Variants in PAPPA observed in about 807,000 individuals in gnomAD.
The protein encoded by PAPPA is pappalysin-1.
In PAPPA, 60 loss-of-function variants were observed where a neutral mutation model predicts 164.0. The ratio of observed to expected loss-of-function variants is 0.37; its 90% CI spans 0.30 to 0.45. The LOEUF is 0.45. PAPPA is among the 20% of genes least tolerant of loss of function. The probability of loss-of-function intolerance (pLI) is 1.00; values close to 1 mark genes in which losing one functional copy is unlikely to be tolerated. For synonymous variants in PAPPA, 875 were observed against 814.1 expected, an observed-to-expected ratio of 1.07 and a Z score of -1.27; for missense variants, 1,782 against 2,087.3, an observed-to-expected ratio of 0.85 and a Z score of 2.85.
chr9:116,394,927 A>G (rs1356980945), intron 21 of PAPPA, among the ~76,000 whole-genome samples: 1 of 152,222 alleles, frequency 6.6e-6, no homozygotes, highest in Non-Finnish European at 1.5e-5. Context: ...ACAGGAATAA[A>G]CAAGATTGAC....
intron 8 of PAPPA, among the ~76,000 whole-genome samples, chr9:116,268,127 A>T (rs1372380667): frequency 6.6e-6 from 1 of 152,200 alleles, no homozygotes; most frequent in African/African-American, 2.4e-5. Context: ...AGGGTTTATA[A>T]CTGTTGCATT....
At chr9:116,260,263 ATT>A (rs1474595021) in intron 7 of PAPPA, among the ~76,000 whole-genome samples, 1 of 152,196 alleles carries the variant, frequency 6.6e-6, no homozygotes, top group Non-Finnish European at 1.5e-5. Context: ...CAATGTTATA[ATT>A]TGACAAAGCT....
At chr9:116,199,856 G>GCAGAAATCACA (rs2118658048) in intron 2 of PAPPA, among the ~76,000 whole-genome samples, 1 of 152,210 alleles carries the variant, frequency 6.6e-6, no homozygotes, top group Non-Finnish European at 1.5e-5. Context: ...GCCAGCATAT[G>GCAGAAATCACA]CAGAAATCAC....
Position 116,154,451 on chromosome 9 carries a change from G to T in PAPPA, c.279G>T (p.Pro93=). 7.8e-7 allele frequency: 1 copy of T among 1,282,612 alleles called. No individual in the cohort carries two copies. The allele number at this position is 1,282,612 out of a possible 1,614,324, so 79.5% of individuals were successfully genotyped here. Residue 93 remains proline, a synonymous_variant, in exon 1 of 22, where the codon CCG becomes CCT. Transcript: ENST00000328252. The surrounding 1 kb of genome is among the most constrained non-coding windows in gnomAD (Gnocchi z 5.2). ...ARGATEEPSP[P]SRALYFSGRG... ...GCGCCACCGAGGAGCCGAGCCCGCC[G>T]AGCCGGGCGCTCTATTTCAGCGGGC...
At position 116,319,935 on chromosome 9, in the gene PAPPA, G is replaced by A. The variant is rs1014230850; in HGVS notation, c.3148-11309G>A. 1.1e-4 allele frequency among the ~76,000 whole-genome samples: 16 copies of A among 152,324 alleles called. No homozygotes were observed. The South Asian group carries it at 3.1e-3, about 30-fold the overall frequency. ...TAGCTTTACCACTTTCATGAATGGT[G>A]TCTTAGGCCTCTAACATAAGCTTTT... On this transcript the variant is annotated intron_variant, in intron 10 of 21. Transcript: ENST00000328252.
chr9:116,263,495 G>A (rs1845027930), intron 7 of PAPPA, among the ~76,000 whole-genome samples: 1 of 152,140 alleles, frequency 6.6e-6, no homozygotes, highest in Non-Finnish European at 1.5e-5. Context: ...CTTCTAGTAA[G>A]GGGACCATAG....
rs1847026976 is a variant in PAPPA at position 116,400,058 on chromosome 9, A to T, written c.*3442A>T. On this transcript the variant is annotated 3_prime_UTR_variant, in exon 22 of 22. Coordinates refer to ENST00000328252, the MANE Select transcript of PAPPA (RefSeq NM_002581.5). ...GAAAGAAAGAAAGAAAGAGAAAGGA[A>T]ATTATAAGGTCAAGTTAACAGTTTT... The T allele has an allele frequency of 6.6e-6, 1 of 152,588 alleles. No homozygotes were observed. Among genetic ancestry groups the T allele is most frequent in the African/African-American group, 2.4e-5 (1 of 41,436 alleles). The allele number at this position is 152,588 out of a possible 1,614,324, so 9.5% of individuals were successfully genotyped here.
intron 10 of PAPPA, among the ~76,000 whole-genome samples, chr9:116,303,505 G>A (rs1845606560): frequency 6.6e-6 from 1 of 152,084 alleles, no homozygotes; most frequent in African/African-American, 2.4e-5. Context: ...CTTCCCCAAG[G>A]GACTGACAGC....
At chr9:116,249,785 T>G (rs1427731651) in intron 7 of PAPPA, among the ~76,000 whole-genome samples, 1 of 152,086 alleles carries the variant, frequency 6.6e-6, no homozygotes, top group Non-Finnish European at 1.5e-5. Context: ...AAACACACAA[T>G]GAATGCAGCT....
chr9:116,285,163 C>G (rs375457009), intron 9 of PAPPA, among the ~76,000 whole-genome samples: 2 of 98,672 alleles, frequency 2.0e-5, no homozygotes, highest in Non-Finnish European at 4.1e-5. Flanking sequence ...TTTTTCTTTT[C>G]TTTCTTTCTT....
At chr9:116,252,568 A>G (rs773311879) in intron 7 of PAPPA, among the ~76,000 whole-genome samples, 9 of 152,214 alleles carry the variant, frequency 5.9e-5, no homozygotes, top group Non-Finnish European at 1.0e-4. Context: ...ATCCCAGGCT[A>G]TACAAAGACT....
At chr9:116,258,006 G>T (rs1844952344) in intron 7 of PAPPA, among the ~76,000 whole-genome samples, 1 of 151,784 alleles carries the variant, frequency 6.6e-6, no homozygotes, top group Admixed American at 6.6e-5. Flanking sequence ...TTAGAGTAAG[G>T]CATATATTGC....
chr9:116,367,713 G>A lies in PAPPA; in HGVS notation c.4564G>A (p.Val1522Met), dbSNP rs201320991. The A allele has an allele frequency of 3.5e-5, 56 of 1,613,954 alleles. No individual in the cohort carries two copies. The East Asian group carries it at 4.0e-4, about 12-fold the overall frequency. The stretch of plus-strand genomic sequence containing the variant: ...CATCATCCTGCCAATGAACGTGACC[G>A]TGCGTGACATCCCCCACTGGCTGAA... Reference protein sequence around the residue: ...ESIILPMNVTVRDIPHWLNPT... With the variant: ...ESIILPMNVTMRDIPHWLNPT... The change falls in exon 19 of 22, where the codon GTG (valine) becomes ATG (methionine). Residue 1522 changes from valine to methionine, a missense_variant. Val to Met is a conservative substitution (Grantham distance 21, BLOSUM62 1). This residue lies in a region of PAPPA where 1,324 missense variants were observed against 1,656.9 expected (regional missense o/e 0.80). Coordinates refer to ENST00000328252, the MANE Select transcript of PAPPA (RefSeq NM_002581.5).
At chr9:116,292,212 C>G (rs1002459533) in intron 9 of PAPPA, among the ~76,000 whole-genome samples, 1 of 152,162 alleles carries the variant, frequency 6.6e-6, no homozygotes, top group African/African-American at 2.4e-5. Context: ...TTGAACTCTT[C>G]CACATGAGAT....
chr9:116,375,835 G>T (rs1846642921), intron 19 of PAPPA, among the ~76,000 whole-genome samples: 2 of 152,104 alleles, frequency 1.3e-5, no homozygotes, highest in African/African-American at 4.8e-5. Context: ...TAATCAACTG[G>T]CCTCTCAGTC....
intron 9 of PAPPA, among the ~76,000 whole-genome samples, chr9:116,298,483 T>C (rs982595266): frequency 1.3e-5 from 2 of 152,206 alleles, no homozygotes; most frequent in African/African-American, 4.8e-5. Context: ...TTCCCTGATA[T>C]GAGGGGAAGA....
At chr9:116,232,260 A>T (rs930273930) in intron 6 of PAPPA, among the ~76,000 whole-genome samples, 1 of 151,722 alleles carries the variant, frequency 6.6e-6, no homozygotes, top group Middle Eastern at 3.4e-3. Flanking sequence ...CTTAACTTAC[A>T]CTCTCTCCCA....
chr9:116,379,712 A>G (rs1846702685), intron 20 of PAPPA, among the ~76,000 whole-genome samples: 1 of 152,232 alleles, frequency 6.6e-6, no homozygotes, highest in African/African-American at 2.4e-5. Flanking sequence ...ATAGACAATT[A>G]AAGAGAGAAT....
At chr9:116,158,053 C>G (rs1293952024) in intron 1 of PAPPA, among the ~76,000 whole-genome samples, 1 of 152,192 alleles carries the variant, frequency 6.6e-6, no homozygotes, top group Non-Finnish European at 1.5e-5. Flanking sequence ...TCCTCCCACC[C>G]CTGTCCCACT....
Sources: allele counts gnomAD v4.1 joint callset (sites outside exome capture counted in the v4.1 genomes callset), GRCh38; gene constraint gnomAD v4.1.1; regional missense constraint gnomAD v4.1.1; non-coding constraint Gnocchi (gnomAD v3.1); transcripts MANE v1.5; gene names NCBI Gene and HGNC (gene_info 2026-07-23, HGNC 2026-07-21).